LRFN2: variants seen among roughly 807,000 people sequenced by gnomAD.
The protein encoded by LRFN2 is leucine rich repeat and fibronectin type III domain containing 2.
A neutral mutation model predicts 37.3 loss-of-function variants in LRFN2; 18 were observed. The ratio of observed to expected loss-of-function variants is 0.48; its 90% CI spans 0.33 to 0.72. LRFN2 has a LOEUF of 0.72. Ranked by LOEUF, LRFN2 falls within the 30% of genes least tolerant of loss-of-function variation. The pLI is 0.02. For synonymous variants in LRFN2, 556 were observed against 466.6 expected, an observed-to-expected ratio of 1.19 and a Z score of -2.47; for missense variants, 1,006 against 1,060.7, an observed-to-expected ratio of 0.95 and a Z score of 0.72.
At chr6:40,556,574 G>A (rs960203821) in intron 1 of LRFN2, among the ~76,000 whole-genome samples, 2 of 152,068 alleles carry the variant, frequency 1.3e-5, no homozygotes, top group African/African-American at 4.8e-5. Context: ...CTTGTCCTGA[G>A]GATGGAAAGT....
chr6:40,414,816 G>A (rs1016272675), intron 2 of LRFN2, among the ~76,000 whole-genome samples: 2 of 152,192 alleles, frequency 1.3e-5, no homozygotes, highest in African/African-American at 2.4e-5. Context: ...AGCTGAACAC[G>A]GCCCTGGGCC....
intron 1 of LRFN2, among the ~76,000 whole-genome samples, chr6:40,473,940 T>C (rs1468193414): frequency 6.6e-6 from 1 of 152,120 alleles, no homozygotes; most frequent in Non-Finnish European, 1.5e-5. Context: ...TAACCACTAT[T>C]ACACACTGCC....
chr6:40,421,529 T>G (rs1048424507), intron 2 of LRFN2, among the ~76,000 whole-genome samples: 5 of 152,094 alleles, frequency 3.3e-5, no homozygotes, highest in African/African-American at 1.2e-4. Context: ...TAAAAAGGAG[T>G]GTCTGGGTAA....
chr6:40,446,829 T>A (rs1561859482), intron 1 of LRFN2, among the ~76,000 whole-genome samples: 1 of 152,170 alleles, frequency 6.6e-6, no homozygotes, highest in East Asian at 1.9e-4. Flanking sequence ...GGGAGCTGTG[T>A]CCCCCCTCAG....
chr6:40,406,704 C>T (rs1395484603), intron 2 of LRFN2, among the ~76,000 whole-genome samples: 3 of 152,222 alleles, frequency 2.0e-5, no homozygotes, highest in Non-Finnish European at 4.4e-5. Flanking sequence ...TCCCACCAGC[C>T]CAATGCAACC....
intron 1 of LRFN2, among the ~76,000 whole-genome samples, chr6:40,540,939 G>T (rs1452536021): frequency 6.6e-6 from 1 of 152,194 alleles, no homozygotes; most frequent in Admixed American, 6.5e-5. Context: ...AGGCTGCTGG[G>T]GGTCAGGAGG....
chr6:40,585,044 C>T (rs1017914306), intron 1 of LRFN2, among the ~76,000 whole-genome samples: 2 of 152,096 alleles, frequency 1.3e-5, no homozygotes, highest in African/African-American at 4.8e-5. Flanking sequence ...CGTTTCTGGG[C>T]CTGAGCAAAG....
At chr6:40,556,424 G>A (rs1236526695) in intron 1 of LRFN2, among the ~76,000 whole-genome samples, 1 of 152,152 alleles carries the variant, frequency 6.6e-6, no homozygotes, top group Non-Finnish European at 1.5e-5. Context: ...TAAGGGGCAT[G>A]AAGCCCCACC....
intron 2 of LRFN2, among the ~76,000 whole-genome samples, chr6:40,424,302 C>T (rs889909021): frequency 1.3e-5 from 2 of 152,170 alleles, no homozygotes; most frequent in Non-Finnish European, 2.9e-5. Context: ...CAGAAGGCTA[C>T]TCCATACTTC....
intron 1 of LRFN2, among the ~76,000 whole-genome samples, chr6:40,519,159 G>A (rs572648063): frequency 6.6e-6 from 1 of 152,356 alleles, no homozygotes; most frequent in South Asian, 2.1e-4. Context: ...GTTCACAGCT[G>A]TGTTTTCAGT....
intron 1 of LRFN2, among the ~76,000 whole-genome samples, chr6:40,440,899 C>T (rs1169311286): frequency 6.6e-6 from 1 of 152,174 alleles, no homozygotes; most frequent in Non-Finnish European, 1.5e-5. Flanking sequence ...ACTACTTACA[C>T]TCAAATCCTT....
Position 40,392,889 on chromosome 6 carries a change from G to A in LRFN2, c.1424C>T (p.Ala475Val), listed in dbSNP as rs1762543210. Residue 475 changes from alanine to valine, a missense_variant, in exon 3 of 3, where the codon GCC (alanine) becomes GTC (valine). Transcript: ENST00000338305. This position sits in a 1 kb window ranked among gnomAD's most constrained non-coding sequence, Gnocchi z 4.7. ...TGACACCAGGTTGTTGACCACGAAG[G>A]CCTTGTTGGAGGCTGGGATCATCCT... ...IYRMIPASNK[A>V]FVVNNLVSGT... 1.2e-6 allele frequency: 2 copies of A among 1,611,278 alleles called. No individual in the cohort carries two copies. The highest frequency in any genetic ancestry group is 1.7e-6 in the Non-Finnish European group (2 of 1,178,638).
At chr6:40,403,705 G>T (rs1762789100) in intron 2 of LRFN2, among the ~76,000 whole-genome samples, 1 of 152,180 alleles carries the variant, frequency 6.6e-6, no homozygotes, top group Non-Finnish European at 1.5e-5. Flanking sequence ...TGGCCTCTGG[G>T]TCTGGGTGTC....
intron 1 of LRFN2, among the ~76,000 whole-genome samples, chr6:40,533,604 G>C (rs1396942095): frequency 1.3e-5 from 2 of 152,162 alleles, no homozygotes; most frequent in Non-Finnish European, 2.9e-5. Flanking sequence ...CAGCTCGCCT[G>C]TACCAAATGC....
chr6:40,513,221 C>T (rs1765765491), intron 1 of LRFN2, among the ~76,000 whole-genome samples: 1 of 150,936 alleles, frequency 6.6e-6, no homozygotes, highest in Admixed American at 6.6e-5. Flanking sequence ...TAACAATACG[C>T]CCTCATTTAA....
intron 1 of LRFN2, among the ~76,000 whole-genome samples, chr6:40,461,929 G>A (rs546003881): frequency 6.6e-6 from 1 of 152,146 alleles, no homozygotes; most frequent in African/African-American, 2.4e-5. Flanking sequence ...CATTAGCTGA[G>A]GTCCCATTTG....
chr6:40,546,173 G>C (rs762967324), intron 1 of LRFN2, among the ~76,000 whole-genome samples: 2 of 152,092 alleles, frequency 1.3e-5, no homozygotes, highest in Non-Finnish European at 2.9e-5. Context: ...GCATGACAAC[G>C]CACAGTCAGC....
rs1320719712 is a variant in LRFN2, at chr6:40,440,492, GAATA to G, written c.-18-7365_-18-7362del. Among the ~76,000 whole-genome samples the G allele has an allele frequency of 6.0e-5, 9 of 149,562 alleles. No individual in the cohort carries two copies. In the East Asian group the frequency reaches 1.2e-3, roughly 19 times the overall value. On this transcript the variant is annotated intron_variant, in intron 1 of 2. Transcript: ENST00000338305. ...TTGAGGAGAGAATGAACGAATGAAT[GAATA>G]AATGAATGAATGAATGAATGGATGC...
intron 2 of LRFN2, among the ~76,000 whole-genome samples, chr6:40,394,974 A>C (rs1456674050): frequency 5.7e-5 from 8 of 139,434 alleles, no homozygotes; most frequent in Non-Finnish European, 1.1e-4. Flanking sequence ...TTTTTTTTGT[A>C]AATTATCCAG....
Sources: gnomAD v4.1 joint callset for allele counts (sites outside exome capture counted in the v4.1 genomes callset) on GRCh38, gnomAD v4.1.1 for gene constraint, Gnocchi (gnomAD v3.1) non-coding constraint, MANE v1.5 for transcripts, NCBI Gene and HGNC (gene_info 2026-07-23, HGNC 2026-07-21) for gene names.